EIF4G3: variants seen among roughly 807,000 people sequenced by gnomAD.
EIF4G3 encodes eukaryotic translation initiation factor 4 gamma 3.
Under a neutral mutation model 186.4 loss-of-function variants are expected in EIF4G3, and 34 were observed. That is an observed-to-expected ratio of 0.18 (90% CI 0.14 to 0.24). The LOEUF is 0.24. Among genes scored for constraint, EIF4G3 ranks in the 10% least tolerant of loss-of-function variants. The pLI, the probability that EIF4G3 is intolerant of heterozygous loss-of-function variation, is 1.00. For synonymous variants in EIF4G3, 673 were observed against 679.5 expected (o/e 0.99, Z 0.15); for missense variants, 1,536 against 1,948.5 (o/e 0.79, Z 3.99).
chr1:21,080,633 C>A (rs1010979233), intron 3 of EIF4G3, among the ~76,000 whole-genome samples: 2 of 152,060 alleles, frequency 1.3e-5, no homozygotes, highest in Non-Finnish European at 2.9e-5. Flanking sequence ...CCTCAGCCTC[C>A]TGAGTAGCTG....
chr1:21,160,234 C>T (rs1457818008), intron 2 of EIF4G3, among the ~76,000 whole-genome samples: 15 of 151,976 alleles, frequency 9.9e-5, no homozygotes, highest in Non-Finnish European at 2.2e-4. Context: ...GGATTTTAAC[C>T]CATAAAATAA....
At chr1:21,128,080 G>A (rs537875822) in intron 2 of EIF4G3, among the ~76,000 whole-genome samples, 5 of 152,084 alleles carry the variant, frequency 3.3e-5, no homozygotes, top group African/African-American at 7.2e-5. Context: ...GGTGGCGGGC[G>A]CCTGTAGTCC....
At chr1:20,930,231 G>C (rs909606539) in intron 14 of EIF4G3, among the ~76,000 whole-genome samples, 1 of 152,158 alleles carries the variant, frequency 6.6e-6, no homozygotes, top group Non-Finnish European at 1.5e-5. Context: ...TGAGGCATGA[G>C]AGTGGCTGTG....
intron 24 of EIF4G3, among the ~76,000 whole-genome samples, chr1:20,859,515 C>A (rs150481378): frequency 1.3e-5 from 2 of 152,206 alleles, no homozygotes; most frequent in African/African-American, 2.4e-5. Flanking sequence ...TCTTTTCCAA[C>A]GTTCCTAAAC....
chr1:20,959,695 A>AATC lies in EIF4G3; in HGVS notation c.715-9587_715-9585dup, dbSNP rs530580250. Among the ~76,000 whole-genome samples, 1,295 of 146,414 alleles carry AATC rather than the reference A, an allele frequency of 8.8e-3. 13 individuals carry two copies. The highest frequency in any genetic ancestry group is 0.044 in the Middle Eastern group (12 of 274). On this transcript the variant is annotated intron_variant, in intron 12 of 36. Transcript: ENST00000602326. Reference sequence around the variant, plus strand: ...TAATAATAATAATAATAATAATAATAATCCCATCAAAAAGTGGGCAAAGGA... The same window carrying AATC: ...TAATAATAATAATAATAATAATAATAATCATCCCATCAAAAAGTGGGCAAAGGA...
At chr1:20,922,374 C>T (rs748184717) in intron 14 of EIF4G3, among the ~76,000 whole-genome samples, 3 of 151,966 alleles carry the variant, frequency 2.0e-5, no homozygotes, top group Non-Finnish European at 4.4e-5. Flanking sequence ...GCGTGATCTC[C>T]GCCACCTCTG....
chr1:20,886,358 C>G lies in EIF4G3; in HGVS notation c.2267G>C (p.Gly756Ala). ...GGRGVPLLNV[G>A]SRRSQPGQRR... ...TTGGCCAGGTTGAGATCTTCGTGAC[C>G]CAACATTCAACAACTAGGACAAGAA... is the stretch of plus-strand genomic sequence containing the variant. The change falls in exon 19 of 37, where the codon GGG (glycine) becomes GCG (alanine). Residue 756 changes from glycine to alanine, a missense_variant. Physicochemically the swap from Gly to Ala is moderately conservative, Grantham distance 60. This residue lies in a region of EIF4G3 where 139 missense variants were observed against 192.8 expected (regional missense o/e 0.72). Transcript: ENST00000602326. The G allele has an allele frequency of 4.3e-6, 7 of 1,612,872 alleles. No homozygotes were observed. The highest frequency in any genetic ancestry group is 5.9e-6 in the Non-Finnish European group (7 of 1,179,648).
rs528305210 is a variant in EIF4G3 at position 21,093,852 on chromosome 1, G to A, written c.-271-4639C>T. Among the ~76,000 whole-genome samples, 19 of 152,034 alleles carry A rather than the reference G, an allele frequency of 1.2e-4. No individual in the cohort carries two copies. In the South Asian group the frequency reaches 4.0e-3, roughly 32 times the overall value. On this transcript the variant is annotated intron_variant, in intron 2 of 36. Transcript: ENST00000602326. ...CATCATTCTCAGCAAACTATCACAA[G>A]GACAAAAAACCAAACACCACATGTT... is the stretch of plus-strand genomic sequence containing the variant.
At chr1:21,012,178 A>T (rs987485924) in intron 4 of EIF4G3, among the ~76,000 whole-genome samples, 38 of 152,200 alleles carry the variant, frequency 2.5e-4, no homozygotes, top group African/African-American at 8.2e-4. Flanking sequence ...GTCTTAAAAA[A>T]AAATCCAACA....
chr1:20,946,316 T>A (rs1019288214), intron 13 of EIF4G3, among the ~76,000 whole-genome samples: 2 of 152,218 alleles, frequency 1.3e-5, no homozygotes, highest in Non-Finnish European at 2.9e-5. Flanking sequence ...TAATTATCCA[T>A]ACCATATCCT....
intron 3 of EIF4G3, among the ~76,000 whole-genome samples, chr1:21,082,867 T>C (rs1290484468): frequency 3.3e-5 from 5 of 150,226 alleles, no homozygotes; most frequent in East Asian, 2.0e-4. Flanking sequence ...TGAAACCCCG[T>C]TTCTACTAAA....
Position 20,827,562 on chromosome 1 carries a change from G to A in EIF4G3, c.4269+55C>T, listed in dbSNP as rs150435979. On this transcript the variant is annotated intron_variant, in intron 32 of 36. Transcript: ENST00000602326. ...CTATTCACAGATAACCCAAGATCAA[G>A]ATCACTGCCCTTCCTAATAATACTG... 158 of 1,143,030 alleles carry A rather than the reference G, an allele frequency of 1.4e-4. 1 individual carries two copies. The African/African-American group carries it at 2.3e-3, about 16-fold the overall frequency. 70.8% of individuals were successfully genotyped at this position (1,143,030 alleles called of 1,614,324 possible). A position where few individuals can be genotyped will look rare whatever the true frequency, so the allele number is the denominator to read the frequency against.
At chr1:20,870,258 C>T (rs900317398) in intron 20 of EIF4G3, among the ~76,000 whole-genome samples, 1 of 152,070 alleles carries the variant, frequency 6.6e-6, no homozygotes, top group Non-Finnish European at 1.5e-5. Context: ...TCAGTCCTGT[C>T]ATTCTCCTCA....
chr1:20,926,203 T>C (rs7517642), intron 14 of EIF4G3, among the ~76,000 whole-genome samples: 50,039 of 152,066 alleles, frequency 0.33, 8,821 homozygotes, highest in Non-Finnish European at 0.39. Context: ...GTATAAATTG[T>C]AGAGTTGAAA....
At chr1:20,896,650 T>C (rs908656122) in intron 16 of EIF4G3, among the ~76,000 whole-genome samples, 7 of 152,178 alleles carry the variant, frequency 4.6e-5, no homozygotes, top group African/African-American at 1.7e-4. Context: ...CTAATGTTTA[T>C]AAAATCCACA....
chr1:20,868,090 C>CTTTTTTCT lies in EIF4G3; in HGVS notation c.2623-2829_2623-2828insAGAAAAAA, dbSNP rs1553236848. 1.5e-4 allele frequency among the ~76,000 whole-genome samples: 14 copies of CTTTTTTCT among 90,434 alleles called. 2 individuals are homozygous for CTTTTTTCT. Among genetic ancestry groups the CTTTTTTCT allele is most frequent in the Admixed American group, 8.5e-4 (5 of 5,908 alleles). 59.3% of individuals were successfully genotyped at this position (90,434 alleles called of 152,430 possible). On this transcript the variant is annotated intron_variant, in intron 20 of 36. Transcript: ENST00000602326. ...GAGAATAGTGATTCATGGTGATTTT[C>CTTTTTTCT]TTTTTTTTTTTTTTTTGTCCTTAGG...
intron 4 of EIF4G3, among the ~76,000 whole-genome samples, chr1:21,040,279 A>G (rs2093487382): frequency 6.6e-6 from 1 of 152,224 alleles, no homozygotes; most frequent in South Asian, 2.1e-4. Flanking sequence ...GACACGGTTA[A>G]GTGAGCTTCT....
intron 4 of EIF4G3, among the ~76,000 whole-genome samples, chr1:21,048,207 T>G (rs2094002914): frequency 6.6e-6 from 1 of 152,190 alleles, no homozygotes; most frequent in African/African-American, 2.4e-5. Flanking sequence ...TCAGAAAACT[T>G]AAGTCCTTTG....
chr1:20,956,617 C>CAAAAAAAAAAAAAAA (rs61623629), intron 12 of EIF4G3, among the ~76,000 whole-genome samples: 1 of 114,568 alleles, frequency 8.7e-6, no homozygotes, highest in Non-Finnish European at 1.7e-5. Context: ...GTATAATTTA[C>CAAAAAAAAAAAAAAA]AAAAAAAAAA....
Sources: gnomAD v4.1 joint callset for allele counts (sites outside exome capture counted in the v4.1 genomes callset) on GRCh38, gnomAD v4.1.1 for gene constraint, gnomAD v4.1.1 regional missense constraint, MANE v1.5 for transcripts, NCBI Gene and HGNC (gene_info 2026-07-23, HGNC 2026-07-21) for gene names.